Variants in DPF3 observed in about 807,000 individuals in gnomAD.
DPF3 encodes double PHD fingers 3, also known as zinc finger protein DPF3.
DPF3 carries 18 observed loss-of-function variants against 56.8 expected under a neutral mutation model. The ratio of observed to expected loss-of-function variants is 0.32; its 90% CI spans 0.22 to 0.47. DPF3 has a LOEUF of 0.47. DPF3 is among the 20% of genes least tolerant of loss of function. The pLI, the probability that DPF3 is intolerant of heterozygous loss-of-function variation, is 1.00. For missense variants in DPF3, 403 were observed against 488.8 expected, an observed-to-expected ratio of 0.82 and a Z score of 1.65; for synonymous variants, 188 against 180.2, an observed-to-expected ratio of 1.04 and a Z score of -0.35.
At chr14:72,700,858 C>T (rs1004575531) in intron 6 of DPF3, among the ~76,000 whole-genome samples, 19 of 152,322 alleles carry the variant, frequency 1.2e-4, no homozygotes, top group Non-Finnish European at 2.4e-4. Flanking sequence ...AAAACAAAGC[C>T]CAGCTCATGG....
At chr14:72,735,191 C>T (rs1278273905) in intron 3 of DPF3, among the ~76,000 whole-genome samples, 1 of 152,128 alleles carries the variant, frequency 6.6e-6, no homozygotes, top group Non-Finnish European at 1.5e-5. Context: ...TTCTGAGACT[C>T]ACTCCATAGT....
At chr14:72,879,830 T>C in intron 1 of DPF3, 2 of 1,535,586 alleles carry the variant, frequency 1.3e-6, no homozygotes, top group South Asian at 2.4e-5. Context: ...CTCCAGGGCA[T>C]CCAGAGATGG....
intron 2 of DPF3, among the ~76,000 whole-genome samples, chr14:72,768,851 A>G (rs1407118869): frequency 6.6e-6 from 1 of 152,162 alleles, no homozygotes; most frequent in Admixed American, 6.5e-5. Flanking sequence ...AGACTTGCAA[A>G]AAAAAGAAAA....
At chr14:72,737,658 T>C (rs1243818756) in intron 3 of DPF3, among the ~76,000 whole-genome samples, 1 of 152,236 alleles carries the variant, frequency 6.6e-6, no homozygotes, top group Non-Finnish European at 1.5e-5. Context: ...GGAGAGGAGC[T>C]GTCTGTTAGC....
chr14:72,859,027 A>G (rs536295449), intron 1 of DPF3, among the ~76,000 whole-genome samples: 1 of 152,352 alleles, frequency 6.6e-6, no homozygotes, highest in East Asian at 1.9e-4. Flanking sequence ...TGGATATTTA[A>G]TAATACTGTG....
At chr14:72,863,082 ATATATATATATATATATATG>A (rs1157052020) in intron 1 of DPF3, among the ~76,000 whole-genome samples, 10 of 17,320 alleles carry the variant, frequency 5.8e-4, no homozygotes, top group African/African-American at 3.2e-3. Flanking sequence ...ATATATATAT[ATATATATATATATATATATG>A]TGTGTGTATA....
At chr14:72,800,278 C>T (rs534834038) in intron 1 of DPF3, among the ~76,000 whole-genome samples, 1 of 152,340 alleles carries the variant, frequency 6.6e-6, no homozygotes, top group East Asian at 1.9e-4. Flanking sequence ...CCCACCACTC[C>T]TTATTGTCTT....
intron 1 of DPF3, among the ~76,000 whole-genome samples, chr14:72,850,088 C>T (rs2140082391): frequency 6.6e-6 from 1 of 152,152 alleles, no homozygotes; most frequent in Non-Finnish European, 1.5e-5. Context: ...CACTGCACTC[C>T]TGCCTAGGCG....
intron 1 of DPF3, among the ~76,000 whole-genome samples, chr14:72,789,814 G>A (rs1483435286): frequency 3.9e-5 from 6 of 152,074 alleles, no homozygotes; most frequent in Non-Finnish European, 5.9e-5. Flanking sequence ...GGGATTACAG[G>A]CATGAGCCTG....
At chr14:72,859,192 T>A (rs1456087914) in intron 1 of DPF3, among the ~76,000 whole-genome samples, 2 of 152,190 alleles carry the variant, frequency 1.3e-5, no homozygotes, top group African/African-American at 4.8e-5. Context: ...AGGCTATAGA[T>A]GAGACAACGC....
chr14:72,795,290 A>AT (rs1567235181), intron 1 of DPF3, among the ~76,000 whole-genome samples: 106 of 132,874 alleles, frequency 8.0e-4, no homozygotes, highest in South Asian at 1.6e-3. Flanking sequence ...AAAAAAAAAA[A>AT]AAAAAATATA....
At chr14:72,686,974 C>T (rs528642760) in intron 7 of DPF3, among the ~76,000 whole-genome samples, 1 of 152,364 alleles carries the variant, frequency 6.6e-6, no homozygotes, top group East Asian at 1.9e-4. Context: ...TGTCAGAAGA[C>T]TAACATCTGT....
At chr14:72,802,322 T>G (rs1250900656) in intron 1 of DPF3, among the ~76,000 whole-genome samples, 1 of 152,190 alleles carries the variant, frequency 6.6e-6, no homozygotes, top group African/African-American at 2.4e-5. Flanking sequence ...TTCTGTTGCC[T>G]CGGGGGCCCT....
At chr14:72,795,177 C>T (rs997565358) in intron 1 of DPF3, among the ~76,000 whole-genome samples, 1 of 151,390 alleles carries the variant, frequency 6.6e-6, no homozygotes, top group African/African-American at 2.4e-5. Context: ...TCTGCTGCTG[C>T]TGCAAGGTAC....
intron 1 of DPF3, among the ~76,000 whole-genome samples, chr14:72,863,327 C>T (rs1444264542): frequency 6.6e-6 from 1 of 151,814 alleles, no homozygotes; most frequent in Non-Finnish European, 1.5e-5. Flanking sequence ...ACTGTGTGCT[C>T]AGTGGACTCA....
intron 8 of DPF3, chr14:72,670,738 C>T: frequency 3.9e-6 from 4 of 1,016,928 alleles, no homozygotes; most frequent in Non-Finnish European, 4.7e-6. Context: ...TTGTTTCCAA[C>T]CCAAAGTTCC....
intron 2 of DPF3, among the ~76,000 whole-genome samples, chr14:72,755,342 G>A (rs2139906098): frequency 6.6e-6 from 1 of 152,288 alleles, no homozygotes; most frequent in South Asian, 2.1e-4. Context: ...TCTGCTTGGA[G>A]CTTTAGACCC....
intron 8 of DPF3, among the ~76,000 whole-genome samples, chr14:72,652,848 G>A (rs1289850329): frequency 6.6e-6 from 1 of 152,164 alleles, no homozygotes; most frequent in African/African-American, 2.4e-5. Flanking sequence ...TGCAAGGGTT[G>A]GGTGAGACCA....
chr14:72,761,937 A>G (rs2139922515), intron 2 of DPF3, among the ~76,000 whole-genome samples: 1 of 151,976 alleles, frequency 6.6e-6, no homozygotes, highest in South Asian at 2.1e-4. Context: ...ACTTTGTGCA[A>G]CCAATTAGGA....
Sources: gnomAD v4.1 joint callset for allele counts (sites outside exome capture counted in the v4.1 genomes callset) on GRCh38, gnomAD v4.1.1 for gene constraint, MANE v1.5 for transcripts, NCBI Gene and HGNC (gene_info 2026-07-23, HGNC 2026-07-21) for gene names.